Variants in KCNT2 observed in about 807,000 individuals in gnomAD.
The protein encoded by KCNT2 is potassium channel subfamily T member 2.
In KCNT2, 67 loss-of-function variants were observed where a neutral mutation model predicts 153.8. The ratio of observed to expected loss-of-function variants is 0.44; its 90% CI spans 0.36 to 0.53. The LOEUF is 0.53. Ranked by LOEUF, KCNT2 falls within the 20% of genes least tolerant of loss-of-function variation. The probability of loss-of-function intolerance (pLI) is 0.00; values close to 1 mark genes in which losing one functional copy is unlikely to be tolerated. For missense variants in KCNT2, 975 were observed against 1,354.8 expected (o/e 0.72, Z 4.40); for synonymous variants, 500 against 458.8 (o/e 1.09, Z -1.15).
intron 26 of KCNT2, among the ~76,000 whole-genome samples, chr1:196,244,036 G>A (rs911929293): frequency 3.3e-5 from 5 of 152,006 alleles, no homozygotes; most frequent in African/African-American, 4.8e-5. Context: ...GCAAAGTCCC[G>A]AGGTCCACAT....
intron 12 of KCNT2, among the ~76,000 whole-genome samples, chr1:196,412,522 T>A (rs766431942): frequency 3.0e-4 from 46 of 151,754 alleles, no homozygotes; most frequent in Middle Eastern, 3.4e-3. Flanking sequence ...ACAGATTACA[T>A]CAGTTAGCCT....
chr1:196,236,489 A>C (rs1654452097), intron 26 of KCNT2, among the ~76,000 whole-genome samples: 1 of 151,508 alleles, frequency 6.6e-6, no homozygotes. Flanking sequence ...AAAATAATAT[A>C]ATTACATTAT....
intron 13 of KCNT2, among the ~76,000 whole-genome samples, chr1:196,384,575 T>C (rs1369052150): frequency 6.6e-6 from 1 of 151,860 alleles, no homozygotes; most frequent in Non-Finnish European, 1.5e-5. Context: ...TGCACGCTAA[T>C]GGGTGTAATC....
At chr1:196,289,019 T>A (rs1201226029) in intron 22 of KCNT2, among the ~76,000 whole-genome samples, 2 of 152,108 alleles carry the variant, frequency 1.3e-5, no homozygotes, top group Admixed American at 6.5e-5. Context: ...GACATCTACA[T>A]CCCACTGTGA....
intron 7 of KCNT2, 42 bp downstream of exon 7, chr1:196,467,661 T>C (rs760667372): frequency 1.6e-6 from 2 of 1,279,374 alleles, no homozygotes; most frequent in South Asian, 2.6e-5. Flanking sequence ...TAAGAAATGG[T>C]TTAAAAATAT....
intron 14 of KCNT2, among the ~76,000 whole-genome samples, chr1:196,372,849 T>C (rs1448974654): frequency 3.3e-5 from 5 of 151,926 alleles, no homozygotes; most frequent in African/African-American, 7.2e-5. Flanking sequence ...ATAAAAATAA[T>C]GTCCTAATCC....
rs370389297 is a variant in KCNT2 at position 196,411,393 on chromosome 1, T to C, written c.1185+11657A>G. 9.4e-5 allele frequency among the ~76,000 whole-genome samples: 14 copies of C among 148,994 alleles called. No homozygotes were observed. In the East Asian group the frequency reaches 2.4e-3, roughly 26 times the overall value. ...GTTCTTAGGATTGCTTTGGCTATTC[T>C]GGATCTTTTGTGGTGCTATAATAAT... On this transcript the variant is annotated intron_variant, in intron 12 of 27. Transcript: ENST00000294725.
chr1:196,254,243 C>A (rs903736902), intron 26 of KCNT2, among the ~76,000 whole-genome samples: 2 of 151,372 alleles, frequency 1.3e-5, no homozygotes, highest in Admixed American at 6.6e-5. Context: ...CCCATGTATT[C>A]ATTCTTGTGT....
intron 1 of KCNT2, among the ~76,000 whole-genome samples, chr1:196,586,666 T>C (rs1662719390): frequency 2.0e-5 from 3 of 151,900 alleles, no homozygotes; most frequent in Admixed American, 1.3e-4. Context: ...TAGAAAGAAA[T>C]AGTCAGAGGC....
At chr1:196,284,845 A>C (rs1558100901) in intron 23 of KCNT2, among the ~76,000 whole-genome samples, 1 of 152,182 alleles carries the variant, frequency 6.6e-6, no homozygotes, top group Non-Finnish European at 1.5e-5. Context: ...CTTTCTTTGG[A>C]TTAGTTTGTT....
At chr1:196,353,561 T>G (rs1360994740) in intron 14 of KCNT2, among the ~76,000 whole-genome samples, 1 of 151,998 alleles carries the variant, frequency 6.6e-6, no homozygotes. Flanking sequence ...GGTAAAGATA[T>G]TATCTGTTCC....
At chr1:196,577,888 T>A (rs1260413173) in intron 1 of KCNT2, among the ~76,000 whole-genome samples, 1 of 152,070 alleles carries the variant, frequency 6.6e-6, no homozygotes, top group South Asian at 2.1e-4. Flanking sequence ...CTCAACCCAA[T>A]AAAAATTATT....
At chr1:196,373,086 C>T in intron 14 of KCNT2, 54 bp downstream of exon 14, 2 of 840,270 alleles carry the variant, frequency 2.4e-6, no homozygotes, top group Admixed American at 2.0e-5. Flanking sequence ...CATAACTGCC[C>T]TTATTGTTTT....
chr1:196,456,143 A>G (rs1258409542), intron 8 of KCNT2, among the ~76,000 whole-genome samples: 1 of 152,020 alleles, frequency 6.6e-6, no homozygotes, highest in Non-Finnish European at 1.5e-5. Context: ...AGGCATGAAC[A>G]GGTAGAAGCT....
intron 9 of KCNT2, 145 bp downstream of exon 9, chr1:196,429,432 T>A: frequency 2.0e-6 from 1 of 499,376 alleles, no homozygotes; most frequent in East Asian, 3.2e-5. Flanking sequence ...CTGCAGTAAT[T>A]TATGTAATTG....
rs1665534418 is a variant in KCNT2 at position 196,608,198 on chromosome 1, T to C, written c.95+17A>G. The C allele has an allele frequency of 6.2e-7, 1 of 1,609,444 alleles. No individual in the cohort carries two copies. The highest frequency in any genetic ancestry group is 1.7e-5 in the Admixed American group (1 of 59,976). ...TTCAGCAATATTTACAGAACAATCC[T>C]CCACCACACCACTCACCTGTCGTCG... is the stretch of plus-strand genomic sequence containing the variant. On this transcript the variant is annotated intron_variant, in intron 1 of 27. Coordinates refer to ENST00000294725, the MANE Select transcript of KCNT2 (RefSeq NM_198503.5).
At chr1:196,531,458 A>T (rs1228355976) in intron 1 of KCNT2, among the ~76,000 whole-genome samples, 1 of 152,078 alleles carries the variant, frequency 6.6e-6, no homozygotes, top group Non-Finnish European at 1.5e-5. Flanking sequence ...TATTTCCTCG[A>T]GGTAAAATGG....
chr1:196,592,560 TTA>T (rs941917037), intron 1 of KCNT2, among the ~76,000 whole-genome samples: 19 of 147,204 alleles, frequency 1.3e-4, no homozygotes, highest in Admixed American at 1.2e-3. Flanking sequence ...ATAAATGTAT[TTA>T]TATAGTTATA....
intron 26 of KCNT2, among the ~76,000 whole-genome samples, chr1:196,237,571 T>C (rs1189751235): frequency 1.3e-5 from 2 of 151,818 alleles, no homozygotes; most frequent in African/African-American, 4.8e-5. Flanking sequence ...ACAACTACCA[T>C]TTTTGTTGCT....
Sources: gnomAD v4.1 joint callset for allele counts (sites outside exome capture counted in the v4.1 genomes callset) on GRCh38, gnomAD v4.1.1 for gene constraint, MANE v1.5 for transcripts, NCBI Gene and HGNC (gene_info 2026-07-23, HGNC 2026-07-21) for gene names.